The following VDAC1 variants were observed in gnomAD, a reference collection of about 807,000 sequenced individuals.
VDAC1 encodes the protein voltage dependent anion channel 1.
Under a neutral mutation model 34.7 loss-of-function variants are expected in VDAC1, and 10 were observed. The observed-to-expected ratio is 0.29, with a 90% CI of 0.18 to 0.49. The LOEUF (loss-of-function observed/expected upper bound fraction) is 0.49. Ranked by LOEUF, VDAC1 falls within the 20% of genes least tolerant of loss-of-function variation. VDAC1 has a pLI of 0.99. For synonymous variants in VDAC1, 130 were observed against 136.0 expected (o/e 0.96, Z 0.30); for missense variants, 230 against 347.9 (o/e 0.66, Z 2.69).
At chr5:133,997,514 A>G (rs1753361778) in intron 1 of VDAC1, among the ~76,000 whole-genome samples, 2 of 150,926 alleles carry the variant, frequency 1.3e-5, no homozygotes, top group East Asian at 3.9e-4. Flanking sequence ...CCTGGCCAAC[A>G]TGGCAAAACC....
At chr5:133,985,999 T>C (rs1752893238) in intron 5 of VDAC1, among the ~76,000 whole-genome samples, 2 of 152,202 alleles carry the variant, frequency 1.3e-5, no homozygotes, top group Admixed American at 6.5e-5. Context: ...GAAAGGGCAG[T>C]GCTGGGGAGT....
At chr5:134,054,591 C>G in the VDAC1 span, among the ~76,000 whole-genome samples, 1 of 151,694 alleles carries the variant, frequency 6.6e-6, no homozygotes, top group African/African-American at 2.4e-5. Context: ...TCCGGAGTAG[C>G]TGTAATTACA....
At chr5:134,040,519 G>C in the VDAC1 span, among the ~76,000 whole-genome samples, 1 of 151,792 alleles carries the variant, frequency 6.6e-6, no homozygotes, top group Admixed American at 6.6e-5. Context: ...AGGTTGCAGT[G>C]AGCCGAGACC....
At chr5:134,012,410 A>T in the VDAC1 span, among the ~76,000 whole-genome samples, 20 of 152,246 alleles carry the variant, frequency 1.3e-4, no homozygotes, top group Non-Finnish European at 1.8e-4. Flanking sequence ...GAAATGATTT[A>T]TTAGAATGGG....
the VDAC1 span, among the ~76,000 whole-genome samples, chr5:134,052,902 G>A: frequency 6.6e-6 from 1 of 152,116 alleles, no homozygotes; most frequent in African/African-American, 2.4e-5. Context: ...CATCACCTGA[G>A]GTCAGGAGTT....
chr5:133,995,670 G>A (rs539900426), intron 1 of VDAC1, among the ~76,000 whole-genome samples: 33 of 152,088 alleles, frequency 2.2e-4, no homozygotes, highest in African/African-American at 7.0e-4. Flanking sequence ...CTGATCTGAC[G>A]GAACTAAGGA....
the VDAC1 span, among the ~76,000 whole-genome samples, chr5:134,040,428 A>T: frequency 4.6e-5 from 7 of 152,174 alleles, no homozygotes; most frequent in African/African-American, 1.7e-4. Context: ...TACAAAAATT[A>T]ACTGGGTGTG....
At chr5:133,993,104 C>G in intron 1 of VDAC1, 86 bp from the exon 2 acceptor site, 1 of 1,378,764 alleles carries the variant, frequency 7.3e-7, no homozygotes, top group Non-Finnish European at 9.9e-7. Context: ...ATGTAATTAG[C>G]AACCAATAAA....
chr5:134,081,205 T>C, the VDAC1 span, among the ~76,000 whole-genome samples: 1 of 152,088 alleles, frequency 6.6e-6, no homozygotes. Context: ...ACACGGCTAA[T>C]TTTTTGTATT....
chr5:134,055,008 G>A, the VDAC1 span, among the ~76,000 whole-genome samples: 4 of 152,320 alleles, frequency 2.6e-5, no homozygotes, highest in African/African-American at 4.8e-5. Flanking sequence ...GTCATATGTC[G>A]ATCACCAGAC....
chr5:133,991,416 T>A (rs1753098264), intron 3 of VDAC1, among the ~76,000 whole-genome samples: 1 of 152,188 alleles, frequency 6.6e-6, no homozygotes, highest in Non-Finnish European at 1.5e-5. Flanking sequence ...CAGGAAAGCA[T>A]CTCCCTTCCA....
the VDAC1 span, among the ~76,000 whole-genome samples, chr5:134,042,589 G>T: frequency 6.6e-6 from 1 of 152,110 alleles, no homozygotes. Flanking sequence ...CGCCTCCCAG[G>T]TTCAAGCGAT....
At chr5:134,073,444 A>C in the VDAC1 span, among the ~76,000 whole-genome samples, 1 of 152,242 alleles carries the variant, frequency 6.6e-6, no homozygotes, top group African/African-American at 2.4e-5. Flanking sequence ...GGTAGTTTCC[A>C]TACCCAACAA....
In VDAC1 at chr5:133,998,124, A is replaced by C. The variant is rs571249409; in HGVS notation, c.-6-5106T>G. 7.9e-5 allele frequency among the ~76,000 whole-genome samples: 12 copies of C among 152,204 alleles called. No individual in the cohort carries two copies. The South Asian group carries it at 2.5e-3, about 32-fold the overall frequency. ...GCTAGCTATGATACAGTTAAATGAA[A>C]AAAGTCAGAAAATTTGTAATTCCAT... On this transcript the variant is annotated intron_variant, in intron 1 of 8. Coordinates refer to ENST00000265333, the MANE Select transcript of VDAC1 (RefSeq NM_003374.3).
the VDAC1 span, among the ~76,000 whole-genome samples, chr5:134,077,523 T>A: frequency 6.6e-6 from 1 of 152,198 alleles, no homozygotes; most frequent in African/African-American, 2.4e-5. Flanking sequence ...GATCTGACCT[T>A]CCCAAACTGT....
At chr5:134,025,526 A>G in the VDAC1 span, among the ~76,000 whole-genome samples, 2 of 152,130 alleles carry the variant, frequency 1.3e-5, no homozygotes, top group East Asian at 3.8e-4. Context: ...AATTGGACTT[A>G]TTTAGGAAGT....
the VDAC1 span, among the ~76,000 whole-genome samples, chr5:134,081,325 CCG>C: frequency 6.6e-6 from 1 of 152,088 alleles, no homozygotes; most frequent in African/African-American, 2.4e-5. Flanking sequence ...GCGTGAGCCA[CCG>C]CACCCAGCCC....
At chr5:134,040,237 C>G in the VDAC1 span, among the ~76,000 whole-genome samples, 2 of 152,182 alleles carry the variant, frequency 1.3e-5, no homozygotes, top group Admixed American at 6.5e-5. Flanking sequence ...TGGAGACCAG[C>G]CTGGCCAACA....
chr5:134,095,559 T>C, the VDAC1 span, among the ~76,000 whole-genome samples: 1 of 152,110 alleles, frequency 6.6e-6, no homozygotes, highest in Non-Finnish European at 1.5e-5. Flanking sequence ...GTTTGCCAGA[T>C]GTAATCTAAC....
Sources: gnomAD v4.1 joint callset for allele counts (sites outside exome capture counted in the v4.1 genomes callset) on GRCh38, gnomAD v4.1.1 for gene constraint, MANE v1.5 for transcripts, NCBI Gene and HGNC (gene_info 2026-07-23, HGNC 2026-07-21) for gene names.